Variants in PIN4 observed in about 807,000 individuals in gnomAD.
The protein encoded by PIN4 is peptidyl-prolyl cis-trans isomerase NIMA-interacting 4.
PIN4 carries 3 observed loss-of-function variants against 8.3 expected under a neutral mutation model. That is an observed-to-expected ratio of 0.36 (90% CI 0.16 to 0.93). The LOEUF is 0.93. PIN4 is among the 40% of genes least tolerant of loss of function. The pLI, the probability that PIN4 is intolerant of heterozygous loss-of-function variation, is 0.44. For missense variants in PIN4, 75 were observed against 100.6 expected (o/e 0.75, Z 1.09); for synonymous variants, 18 against 32.5 (o/e 0.55, Z 1.52).
At chrX:72,239,089 A>G in intron 3 of PIN4, 1 of 448,441 alleles carries the variant, frequency 2.2e-6, no homozygotes, top group Non-Finnish European at 3.7e-6. Context: ...CCAATCCGCG[A>G]CCACGCGCTG....
At chrX:72,249,571 AG>A (rs2147615077) in intron 3 of PIN4, among the ~76,000 whole-genome samples, 1 of 112,219 alleles carries the variant, frequency 8.9e-6, no homozygotes, top group East Asian at 2.8e-4. Context: ...TATCCATACA[AG>A]GGAATACCAC....
intron 3 of PIN4, among the ~76,000 whole-genome samples, chrX:72,251,933 A>G (rs1407366022): frequency 9.0e-6 from 1 of 111,062 alleles, no homozygotes; most frequent in African/African-American, 3.3e-5. Context: ...TGTCTCTAAA[A>G]AAAACCAAAA....
At chrX:72,253,323 ATCTT>A (rs1376669850) in intron 3 of PIN4, among the ~76,000 whole-genome samples, 2 of 111,943 alleles carry the variant, frequency 1.8e-5, no homozygotes. Context: ...TCCCCAGTCA[ATCTT>A]TCTTATTAGA....
chrX:72,251,184 C>T (rs1228049872), intron 3 of PIN4, among the ~76,000 whole-genome samples: 17 of 103,773 alleles, frequency 1.6e-4, no homozygotes, highest in East Asian at 3.2e-4. Flanking sequence ...AGTGAAACCC[C>T]GTCTCTACTA....
chrX:72,224,910 A>G (rs1195559133), intron 3 of PIN4, among the ~76,000 whole-genome samples: 1 of 111,079 alleles, frequency 9.0e-6, no homozygotes, highest in Non-Finnish European at 1.9e-5. Flanking sequence ...CTCAACCCTA[A>G]TGGATTACAG....
At chrX:72,227,130 T>A (rs755538662) in intron 3 of PIN4, among the ~76,000 whole-genome samples, 6 of 111,994 alleles carry the variant, frequency 5.4e-5, no homozygotes, top group Admixed American at 4.8e-4. Flanking sequence ...TTCTTCCAGT[T>A]CTCATCAATA....
At chrX:72,228,317 G>A (rs1367598860) in intron 3 of PIN4, among the ~76,000 whole-genome samples, 1 of 111,832 alleles carries the variant, frequency 8.9e-6, no homozygotes, top group African/African-American at 3.3e-5. Context: ...TGGCACCAGG[G>A]AACAAACATT....
chrX:72,262,726 A>G, exon 4 of PIN4: 1 of 1,147,761 alleles, frequency 8.7e-7, no homozygotes, highest in South Asian at 1.9e-5. Context: ...CTGCAGCAAC[A>G]TGCTGGTCAC....
intron 3 of PIN4, among the ~76,000 whole-genome samples, chrX:72,231,446 T>C (rs1390120627): frequency 4.5e-5 from 5 of 111,695 alleles, no homozygotes; most frequent in African/African-American, 1.6e-4. Context: ...TAGTCAATGG[T>C]ACAAAGTTTC....
chrX:72,195,567 G>C (rs954021713), intron 2 of PIN4, among the ~76,000 whole-genome samples: 1 of 110,696 alleles, frequency 9.0e-6, no homozygotes, highest in Non-Finnish European at 1.9e-5. Context: ...GCTTGAACCC[G>C]TGGGTGGAGG....
In PIN4 at chrX:72,219,707, G is replaced by A. The variant is rs2042911062; in HGVS notation, c.312+22803G>A. Among the ~76,000 whole-genome samples the A allele has an allele frequency of 3.7e-5, 4 of 109,393 alleles. No homozygotes were observed. In the South Asian group the frequency reaches 1.2e-3, roughly 33 times the overall value. The allele number at this position is 109,393 out of a possible 115,157, so 95.0% of individuals were successfully genotyped here. A position where few individuals can be genotyped will look rare whatever the true frequency, so the allele number is the denominator to read the frequency against. On this transcript the variant is annotated intron_variant, in intron 3 of 3. Coordinates refer to the PIN4 transcript ENST00000423432. ...TACTAAAAATACAAAAAAATTAGCGGGCGTGGTGGTGCACGCCTGTCATCC... is the reference window on the plus strand; with the variant it reads ...TACTAAAAATACAAAAAAATTAGCGAGCGTGGTGGTGCACGCCTGTCATCC...
intron 3 of PIN4, among the ~76,000 whole-genome samples, chrX:72,231,291 A>G (rs1288186167): frequency 8.9e-6 from 1 of 112,065 alleles, no homozygotes; most frequent in Non-Finnish European, 1.9e-5. Context: ...CCTAAAAGAC[A>G]TTTTGCTAGG....
At chrX:72,186,954 T>A (rs777798808) in intron 2 of PIN4, among the ~76,000 whole-genome samples, 87 of 112,064 alleles carry the variant, frequency 7.8e-4, no homozygotes, top group Admixed American at 1.3e-3. Context: ...AAATAAATTT[T>A]AAAAAAATGG....
At chrX:72,238,482 G>A (rs1026250914) in intron 3 of PIN4, among the ~76,000 whole-genome samples, 5 of 111,810 alleles carry the variant, frequency 4.5e-5, no homozygotes, top group Non-Finnish European at 9.4e-5. Flanking sequence ...TCCACTACTA[G>A]ATTACAAACA....
chrX:72,259,842 T>C (rs1460120956), intron 3 of PIN4, among the ~76,000 whole-genome samples: 2 of 105,469 alleles, frequency 1.9e-5, no homozygotes, highest in South Asian at 9.1e-4. Context: ...GCCATTCTCC[T>C]GCCTCAGCCT....
At chrX:72,207,713 C>T in intron 3 of PIN4, 1 of 1,211,569 alleles carries the variant, frequency 8.3e-7, no homozygotes, top group Non-Finnish European at 1.1e-6. Context: ...ATGGCATCAA[C>T]ATCTGGATTC....
chrX:72,236,545 C>T (rs150163121), intron 3 of PIN4, among the ~76,000 whole-genome samples: 2,049 of 111,607 alleles, frequency 0.018, 57 homozygotes, highest in African/African-American at 0.063. Context: ...GCACCTGCCT[C>T]GCCCTCCCAA....
chrX:72,251,245 C>A (rs1190237376), intron 3 of PIN4, among the ~76,000 whole-genome samples: 1 of 105,403 alleles, frequency 9.5e-6, no homozygotes, highest in Non-Finnish European at 1.9e-5. Context: ...CGCCTGTAGT[C>A]CCAGCTACTC....
At chrX:72,187,727 C>T (rs900350158) in intron 2 of PIN4, among the ~76,000 whole-genome samples, 5 of 111,512 alleles carry the variant, frequency 4.5e-5, no homozygotes, top group Non-Finnish European at 9.4e-5. Flanking sequence ...CGCTTGAGCC[C>T]GAGAATTTGA....
Sources: allele counts gnomAD v4.1 joint callset (sites outside exome capture counted in the v4.1 genomes callset), GRCh38; gene constraint gnomAD v4.1.1; transcripts MANE v1.5; gene names NCBI Gene and HGNC (gene_info 2026-07-23, HGNC 2026-07-21).